NTN1: variants seen among roughly 807,000 people sequenced by gnomAD.
NTN1 encodes netrin 1.
NTN1 carries 11 observed loss-of-function variants against 54.2 expected under a neutral mutation model. The ratio of observed to expected loss-of-function variants is 0.20; its 90% CI spans 0.13 to 0.34. NTN1 has a LOEUF of 0.34. Among genes scored for constraint, NTN1 ranks in the 10% least tolerant of loss-of-function variants. The pLI, the probability that NTN1 is intolerant of heterozygous loss-of-function variation, is 1.00. For synonymous variants in NTN1, 371 were observed against 382.0 expected, an observed-to-expected ratio of 0.97 and a Z score of 0.33; for missense variants, 740 against 893.1, an observed-to-expected ratio of 0.83 and a Z score of 2.18.
At chr17:9,169,703 A>G (rs2092382045) in intron 3 of NTN1, among the ~76,000 whole-genome samples, 1 of 152,186 alleles carries the variant, frequency 6.6e-6, no homozygotes. Flanking sequence ...TGTCTCTACT[A>G]AAAATACAAG....
intron 4 of NTN1, among the ~76,000 whole-genome samples, chr17:9,181,499 G>A (rs2092418959): frequency 6.6e-6 from 1 of 152,170 alleles, no homozygotes; most frequent in Non-Finnish European, 1.5e-5. Context: ...GCTTTTTAGG[G>A]CCAGCTTCCT....
At chr17:9,154,900 C>T (rs932799632) in intron 2 of NTN1, among the ~76,000 whole-genome samples, 11 of 152,178 alleles carry the variant, frequency 7.2e-5, no homozygotes, top group Non-Finnish European at 1.6e-4. Context: ...TACCTCCTTG[C>T]AAAGGCTCTC....
chr17:9,026,393 G>GGC (rs1321204221), intron 2 of NTN1, among the ~76,000 whole-genome samples: 8 of 149,934 alleles, frequency 5.3e-5, no homozygotes, highest in Non-Finnish European at 8.9e-5. Context: ...ATTTCTTCCG[G>GGC]GGGGGGGGAA....
intron 5 of NTN1, among the ~76,000 whole-genome samples, chr17:9,190,939 AGAAT>A (rs1457809314): frequency 6.6e-6 from 1 of 152,234 alleles, no homozygotes; most frequent in Non-Finnish European, 1.5e-5. Flanking sequence ...AGTGCAGAAA[AGAAT>A]GAATCAATCA....
intron 2 of NTN1, among the ~76,000 whole-genome samples, chr17:9,069,724 G>A (rs1208079730): frequency 1.3e-5 from 2 of 152,188 alleles, no homozygotes; most frequent in Non-Finnish European, 2.9e-5. Flanking sequence ...AGTGTGAAGT[G>A]CCTGAGGACA....
chr17:9,085,569 A>T (rs2092087454), intron 2 of NTN1, among the ~76,000 whole-genome samples: 1 of 152,212 alleles, frequency 6.6e-6, no homozygotes, highest in Non-Finnish European at 1.5e-5. Flanking sequence ...ACTGTGCCTC[A>T]GTTCTTGCAT....
chr17:9,061,691 T>G (rs764941082), intron 2 of NTN1, among the ~76,000 whole-genome samples: 4 of 151,862 alleles, frequency 2.6e-5, no homozygotes, highest in East Asian at 1.9e-4. Flanking sequence ...TGTTGTTGTT[T>G]TTGTTTTATT....
Position 9,026,227 on chromosome 17 carries a change from T to C in NTN1, c.1018+2836T>C, listed in dbSNP as rs1017477740. 3.3e-5 allele frequency among the ~76,000 whole-genome samples: 5 copies of C among 152,288 alleles called. No individual in the cohort carries two copies. In the East Asian group the frequency reaches 7.7e-4, roughly 24 times the overall value. Reference sequence around the variant, plus strand: ...CATTTGACTGAACAGTCCTTCGACATAGGGCCATGGTCCTTATAGATGACT... The same window carrying C: ...CATTTGACTGAACAGTCCTTCGACACAGGGCCATGGTCCTTATAGATGACT... On this transcript the variant is annotated intron_variant, in intron 2 of 6. Transcript: ENST00000173229.
chr17:9,148,441 A>T (rs1331831756), intron 2 of NTN1, among the ~76,000 whole-genome samples: 3 of 143,092 alleles, frequency 2.1e-5, no homozygotes, highest in Non-Finnish European at 3.0e-5. Flanking sequence ...GGCTGTTGAT[A>T]AAAAAAACCG....
At chr17:9,127,408 G>A (rs181964177) in intron 2 of NTN1, among the ~76,000 whole-genome samples, 5 of 152,290 alleles carry the variant, frequency 3.3e-5, no homozygotes, top group Admixed American at 2.6e-4. Context: ...AAGGGTTTGT[G>A]TGACTGAGGA....
intron 2 of NTN1, among the ~76,000 whole-genome samples, chr17:9,095,284 C>T (rs2092127469): frequency 6.6e-6 from 1 of 152,132 alleles, no homozygotes; most frequent in African/African-American, 2.4e-5. Flanking sequence ...CAGAAAAATG[C>T]TTTTTACTTT....
intron 2 of NTN1, among the ~76,000 whole-genome samples, chr17:9,092,603 A>T (rs1299811646): frequency 4.0e-5 from 6 of 150,572 alleles, no homozygotes; most frequent in African/African-American, 1.2e-4. Context: ...ATAGGTCAAA[A>T]TTTTTTTTGA....
intron 2 of NTN1, among the ~76,000 whole-genome samples, chr17:9,063,416 C>T (rs2092005209): frequency 6.6e-6 from 1 of 151,840 alleles, no homozygotes; most frequent in Non-Finnish European, 1.5e-5. Context: ...ACTTTTAAAG[C>T]TTTGTTGTAT....
At chr17:9,132,397 C>T (rs894542544) in intron 2 of NTN1, among the ~76,000 whole-genome samples, 4 of 152,192 alleles carry the variant, frequency 2.6e-5, no homozygotes, top group African/African-American at 4.8e-5. Context: ...TTCTACCCAG[C>T]GCACACCTTG....
intron 5 of NTN1, among the ~76,000 whole-genome samples, chr17:9,197,555 G>A (rs1246959212): frequency 3.3e-5 from 5 of 151,858 alleles, no homozygotes; most frequent in Non-Finnish European, 5.9e-5. Context: ...AGCTACTTGG[G>A]AGGCTGAGGC....
At chr17:9,060,256 C>T (rs1288848465) in intron 2 of NTN1, among the ~76,000 whole-genome samples, 2 of 152,130 alleles carry the variant, frequency 1.3e-5, no homozygotes, top group South Asian at 2.1e-4. Context: ...GATCCACTTC[C>T]ACTTAATGAA....
chr17:9,004,596 G>T, the NTN1 span, among the ~76,000 whole-genome samples: 1 of 152,212 alleles, frequency 6.6e-6, no homozygotes, highest in Non-Finnish European at 1.5e-5. Flanking sequence ...CAGCGGGATC[G>T]TGCGCTCCCG....
chr17:9,025,953 G>A (rs1305591157), intron 2 of NTN1, among the ~76,000 whole-genome samples: 1 of 152,174 alleles, frequency 6.6e-6, no homozygotes, highest in African/African-American at 2.4e-5. Flanking sequence ...ATTTCACGCT[G>A]TTGACATATA....
chr17:9,213,407 G>A (rs1905153334), intron 5 of NTN1, among the ~76,000 whole-genome samples: 1 of 152,220 alleles, frequency 6.6e-6, no homozygotes, highest in Non-Finnish European at 1.5e-5. Context: ...TGAGAGAGCA[G>A]GGCAGCAGGG....
Sources: gnomAD v4.1 joint callset for allele counts (sites outside exome capture counted in the v4.1 genomes callset) on GRCh38, gnomAD v4.1.1 for gene constraint, MANE v1.5 for transcripts, NCBI Gene and HGNC (gene_info 2026-07-23, HGNC 2026-07-21) for gene names.